Variants in SH3PXD2B observed in about 807,000 individuals in gnomAD.
SH3PXD2B encodes the protein SH3 and PX domain-containing protein 2B.
In SH3PXD2B, 37 loss-of-function variants were observed where a neutral mutation model predicts 73.1. The ratio of observed to expected loss-of-function variants is 0.51; its 90% CI spans 0.39 to 0.67. The LOEUF (loss-of-function observed/expected upper bound fraction) is 0.67, where lower values mean the gene tolerates loss of function less well. SH3PXD2B is among the 30% of genes least tolerant of loss of function. SH3PXD2B has a pLI of 0.00. For synonymous variants in SH3PXD2B, 457 were observed against 480.5 expected, an observed-to-expected ratio of 0.95 and a Z score of 0.64; for missense variants, 1,053 against 1,197.8, an observed-to-expected ratio of 0.88 and a Z score of 1.78.
At chr5:172,422,605 C>T in intron 1 of SH3PXD2B, 109 bp from the exon 2 acceptor site, 7 of 1,004,668 alleles carry the variant, frequency 7.0e-6, no homozygotes, top group Non-Finnish European at 1.1e-5. Flanking sequence ...GGGTTTCAGC[C>T]TTAGCTCTGC....
At chr5:172,446,103 G>C (rs115095428) in intron 1 of SH3PXD2B, among the ~76,000 whole-genome samples, 1 of 152,096 alleles carries the variant, frequency 6.6e-6, no homozygotes, top group African/African-American at 2.4e-5. Context: ...TGACCCCCCC[G>C]ACAAGGGCTC....
Position 172,421,838 on chromosome 5 carries a change from A to C in SH3PXD2B, c.156+578T>G, listed in dbSNP as rs1033985954. ...CAAACACGATTATTGTTTAAAACTT[A>C]AGTTCAAACACTGCATGCCAAAGCC... On this transcript the variant is annotated intron_variant, in intron 2 of 12. Coordinates refer to ENST00000311601, the MANE Select transcript of SH3PXD2B (RefSeq NM_001017995.3). This position sits in a 1 kb window ranked among gnomAD's most constrained non-coding sequence, Gnocchi z 4.0. Among the ~76,000 whole-genome samples, 1 of 152,206 alleles carries C rather than the reference A, an allele frequency of 6.6e-6. No homozygotes were observed. Among genetic ancestry groups the C allele is most frequent in the East Asian group, 1.9e-4 (1 of 5,198 alleles).
At chr5:172,438,072 G>A (rs1196520812) in intron 1 of SH3PXD2B, among the ~76,000 whole-genome samples, 2 of 152,162 alleles carry the variant, frequency 1.3e-5, no homozygotes, top group Non-Finnish European at 2.9e-5. Flanking sequence ...GGGCTTAGGG[G>A]CCTGTGCAGT....
intron 2 of SH3PXD2B, among the ~76,000 whole-genome samples, chr5:172,419,212 C>T (rs1316145147): frequency 6.6e-6 from 1 of 152,152 alleles, no homozygotes; most frequent in Non-Finnish European, 1.5e-5. Flanking sequence ...CCTTAGGCTG[C>T]GCTGGAACAG....
chr5:172,370,275 CAAG>C (rs1757671127), intron 6 of SH3PXD2B, among the ~76,000 whole-genome samples: 1 of 152,168 alleles, frequency 6.6e-6, no homozygotes, highest in Non-Finnish European at 1.5e-5. Flanking sequence ...TTACTCTGTC[CAAG>C]AAGCTCAACT....
Position 172,326,903 on chromosome 5 carries a change from C to T in SH3PXD2B, c.1189-1523G>A, listed in dbSNP as rs549622708. On this transcript the variant is annotated intron_variant, in intron 12 of 12. Transcript: ENST00000519643. The stretch of plus-strand genomic sequence containing the variant: ...ACAGAGTCTCACTCTGTCGCCCAAG[C>T]TGGTGTGAAGTGGCACGATCTTGGC... 5.9e-3 allele frequency among the ~76,000 whole-genome samples: 864 copies of T among 147,498 alleles called. 6 individuals are homozygous for T. Among genetic ancestry groups the T allele is most frequent in the Non-Finnish European group, 8.8e-3 (597 of 67,482 alleles).
chr5:172,345,232 A>G (rs1053099192), intron 12 of SH3PXD2B, among the ~76,000 whole-genome samples: 2 of 151,994 alleles, frequency 1.3e-5, no homozygotes, highest in African/African-American at 2.4e-5. Flanking sequence ...TGAACTGATC[A>G]ATGGTGTCTA....
chr5:172,425,212 A>C (rs1007312966), intron 1 of SH3PXD2B, among the ~76,000 whole-genome samples: 1 of 152,222 alleles, frequency 6.6e-6, no homozygotes, highest in South Asian at 2.1e-4. Context: ...GTTTCCATTC[A>C]TTCACTCATT....
At chr5:172,332,212 C>A (rs1484272393), downstream of SH3PXD2B, among the ~76,000 whole-genome samples, 1 of 151,796 alleles carries the variant, frequency 6.6e-6, no homozygotes, top group South Asian at 2.1e-4. Flanking sequence ...CTTGGGTGAA[C>A]CTGCTCCTAT....
At chr5:172,346,032 C>T in intron 12 of SH3PXD2B, 104 bp downstream of exon 12, 1 of 1,571,520 alleles carries the variant, frequency 6.4e-7, no homozygotes, top group Non-Finnish European at 8.7e-7. Context: ...ATCTCCGCCC[C>T]ACCTCCACCC....
intron 5 of SH3PXD2B, 49 bp downstream of exon 5, chr5:172,381,987 G>A (rs1229895324): frequency 6.8e-7 from 1 of 1,469,762 alleles, no homozygotes; most frequent in African/African-American, 1.4e-5. Context: ...GGACTGGCAG[G>A]AGGGAGGGCT....
At chr5:172,393,355 T>C (rs1007538243) in intron 4 of SH3PXD2B, among the ~76,000 whole-genome samples, 1 of 152,236 alleles carries the variant, frequency 6.6e-6, no homozygotes, top group African/African-American at 2.4e-5. Context: ...TTCTGGATTA[T>C]TTGTTCCTAG....
chr5:172,439,854 G>C (rs1420963430), intron 1 of SH3PXD2B, among the ~76,000 whole-genome samples: 1 of 152,064 alleles, frequency 6.6e-6, no homozygotes, highest in Non-Finnish European at 1.5e-5. Flanking sequence ...TGAGACACTG[G>C]GCTGGTGGAA....
chr5:172,381,928 GCCGACGAAACC>G, intron 5 of SH3PXD2B, 97 bp downstream of exon 5: 1 of 802,296 alleles, frequency 1.2e-6, no homozygotes. Context: ...CAGGGGCTCA[GCCGACGAAACC>G]CACTTTTGGC....
rs180938495 is a variant in SH3PXD2B, at chr5:172,418,253, G to C, written c.156+4163C>G. On this transcript the variant is annotated intron_variant, in intron 2 of 12. Transcript: ENST00000311601. Reference sequence around the variant, plus strand: ...AGGACTGAATGAGTCACTACATCTAGATGTTTAGCAGGATGGGGGCCCACA... The same window carrying C: ...AGGACTGAATGAGTCACTACATCTACATGTTTAGCAGGATGGGGGCCCACA... Among the ~76,000 whole-genome samples the C allele has an allele frequency of 9.8e-5, 15 of 152,298 alleles. No individual in the cohort carries two copies. The East Asian group carries it at 2.9e-3, about 29-fold the overall frequency.
chr5:172,406,496 T>C (rs1401052106), intron 2 of SH3PXD2B, 144 bp from the exon 3 acceptor site: 17 of 880,566 alleles, frequency 1.9e-5, no homozygotes, highest in Middle Eastern at 2.3e-4. Context: ...CCCAAACTAA[T>C]GGGAAAGGCA....
chr5:172,430,868 CTT>C lies in SH3PXD2B; in HGVS notation c.76-8374_76-8373del, dbSNP rs5873323. Among the ~76,000 whole-genome samples the C allele has an allele frequency of 7.8e-3, 1,168 of 149,614 alleles. 20 individuals carry two copies. The highest frequency in any genetic ancestry group is 0.027 in the African/African-American group (1,091 of 40,916). ...AGAAGTAACCACCTGTTCTTTCTTT[CTT>C]TTTTTTTTTCTTTTGAGATGGAGTC... On this transcript the variant is annotated intron_variant, in intron 1 of 12. Transcript: ENST00000311601.
chr5:172,406,154 G>T, intron 3 of SH3PXD2B, 123 bp downstream of exon 3: 2 of 1,131,604 alleles, frequency 1.8e-6, no homozygotes, highest in Non-Finnish European at 2.6e-6. Context: ...AAATGGCTGA[G>T]ATTCTGGTCA....
In SH3PXD2B at chr5:172,337,478, G is replaced by C. The variant is rs1387965720; in HGVS notation, c.*891C>G. 4.1e-6 allele frequency: 4 copies of C among 984,878 alleles called. No individual in the cohort carries two copies. The highest frequency in any genetic ancestry group is 4.8e-6 in the Non-Finnish European group (4 of 829,540). 61.0% of individuals were successfully genotyped at this position (984,878 alleles called of 1,614,324 possible). On this transcript the variant is annotated 3_prime_UTR_variant, in exon 13 of 13. Coordinates refer to ENST00000311601, the MANE Select transcript of SH3PXD2B (RefSeq NM_001017995.3). Reference sequence around the variant, plus strand: ...GCATGAATGCAAAGCGCCAAGTACAGTGTTTGGCACCCACGAGGCACTCAG... The same window carrying C: ...GCATGAATGCAAAGCGCCAAGTACACTGTTTGGCACCCACGAGGCACTCAG...
Sources: allele counts gnomAD v4.1 joint callset (sites outside exome capture counted in the v4.1 genomes callset), GRCh38; gene constraint gnomAD v4.1.1; non-coding constraint Gnocchi (gnomAD v3.1); transcripts MANE v1.5; gene names NCBI Gene and HGNC (gene_info 2026-07-23, HGNC 2026-07-21).